Variants in UGT1A9 observed in about 807,000 individuals in gnomAD.
UGT1A9 encodes the protein UDP-glucuronosyltransferase 1A9.
A neutral mutation model predicts 45.0 loss-of-function variants in UGT1A9; 35 were observed. The observed-to-expected ratio is 0.78, with a 90% CI of 0.59 to 1.03. UGT1A9 has a LOEUF of 1.03. Among genes scored for constraint, UGT1A9 ranks in the 50% least tolerant of loss-of-function variants. The pLI is 0.00. For missense variants in UGT1A9, 687 were observed against 666.6 expected, an observed-to-expected ratio of 1.03 and a Z score of -0.34; for synonymous variants, 278 against 250.6, an observed-to-expected ratio of 1.11 and a Z score of -1.03.
chr2:233,723,213 C>CTT (rs201420005), intron 1 of UGT1A9, among the ~76,000 whole-genome samples: 4 of 88,884 alleles, frequency 4.5e-5, no homozygotes, highest in Non-Finnish European at 6.4e-5. Context: ...TCAAAACTGA[C>CTT]TTTTTTTTTT....
rs568773315 is a variant in UGT1A9 at position 233,683,108 on chromosome 2, C to T, written c.855+10319C>T. Among the ~76,000 whole-genome samples, 110 of 152,126 alleles carry T rather than the reference C, an allele frequency of 7.2e-4. 1 individual carries two copies. The highest frequency in any genetic ancestry group is 2.3e-3 in the African/African-American group (97 of 41,512). On this transcript the variant is annotated intron_variant, in intron 1 of 4. Coordinates refer to ENST00000354728, the MANE Select transcript of UGT1A9 (RefSeq NM_021027.3). ...CTTTTTTTGCTAATTCTACACTACC[C>T]CCAGAGGAAAATATTCTTAGCAGTT... is the stretch of plus-strand genomic sequence containing the variant.
rs563709972 is a variant in UGT1A9, at chr2:233,755,474, T to C, written c.856-11560T>C. On this transcript the variant is annotated intron_variant, in intron 1 of 4. Coordinates refer to ENST00000354728, the MANE Select transcript of UGT1A9 (RefSeq NM_021027.3). ...GGACTGGCCCTGCTCTCTGTGAGGCTCTGTGAGGCCCTGTGATGCTCCAAG... is the reference window on the plus strand; with the variant it reads ...GGACTGGCCCTGCTCTCTGTGAGGCCCTGTGAGGCCCTGTGATGCTCCAAG... 5.5e-5 allele frequency: 13 copies of C among 237,114 alleles called. 1 individual carries two copies. The South Asian group carries it at 7.1e-4, about 13-fold the overall frequency. The allele number at this position is 237,114 out of a possible 1,614,324, so 14.7% of individuals were successfully genotyped here.
intron 1 of UGT1A9, among the ~76,000 whole-genome samples, chr2:233,715,259 C>G (rs2076441984): frequency 6.6e-6 from 1 of 152,152 alleles, no homozygotes; most frequent in African/African-American, 2.4e-5. Context: ...AAAAAATCCC[C>G]TTACATAACA....
chr2:233,730,694 C>T (rs1315714978), intron 1 of UGT1A9, among the ~76,000 whole-genome samples: 1 of 152,058 alleles, frequency 6.6e-6, no homozygotes, highest in Non-Finnish European at 1.5e-5. Context: ...TCAAATGATT[C>T]TTCTACTTGG....
At chr2:233,761,234 G>A in intron 1 of UGT1A9, 1 of 1,612,826 alleles carries the variant, frequency 6.2e-7, no homozygotes, top group Non-Finnish European at 8.5e-7. Flanking sequence ...CCAGATATAT[G>A]CTGAGCAAGC....
intron 1 of UGT1A9, among the ~76,000 whole-genome samples, chr2:233,766,739 C>T (rs1028534873): frequency 6.6e-6 from 1 of 152,120 alleles, no homozygotes; most frequent in East Asian, 1.9e-4. Context: ...TGTGTATGTA[C>T]AGGTGTGTGC....
intron 1 of UGT1A9, among the ~76,000 whole-genome samples, chr2:233,706,871 C>A (rs186503307): frequency 1.3e-5 from 2 of 152,324 alleles, no homozygotes; most frequent in East Asian, 3.9e-4. Flanking sequence ...CTAGACCTGG[C>A]ACTTCCCAGC....
rs749552053 is a variant in UGT1A9 at position 233,760,309 on chromosome 2, G to A, written c.856-6725G>A. 18 of 1,613,646 alleles carry A rather than the reference G, an allele frequency of 1.1e-5. No individual in the cohort carries two copies. The highest frequency in any genetic ancestry group is 2.2e-5 in the East Asian group (1 of 44,886). On this transcript the variant is annotated intron_variant, in intron 1 of 4. Transcript: ENST00000354728. ...CGCCATGGCTGTGGAGTCCCAGGGCGGACGCCCACTTGTCCTGGGCCTGCT... is the reference window on the plus strand; with the variant it reads ...CGCCATGGCTGTGGAGTCCCAGGGCAGACGCCCACTTGTCCTGGGCCTGCT...
At chr2:233,758,929 A>C (rs1287701238) in intron 1 of UGT1A9, among the ~76,000 whole-genome samples, 2 of 152,152 alleles carry the variant, frequency 1.3e-5, no homozygotes, top group Non-Finnish European at 2.9e-5. Context: ...TTCCCTTTTG[A>C]CTTCAAATCA....
Position 233,718,785 on chromosome 2 carries a change from G to A in UGT1A9, c.855+45996G>A, listed in dbSNP as rs544842461. 94 of 1,613,086 alleles carry A rather than the reference G, an allele frequency of 5.8e-5. No homozygotes were observed. The East Asian group carries it at 1.3e-3, about 23-fold the overall frequency. On this transcript the variant is annotated intron_variant, in intron 1 of 4. Transcript: ENST00000354728. ...GAAACAAATGTAGCAGGCACAGCGTGGGGTGGACAGTCAGCTGTCGGTGGC... is the reference window on the plus strand; with the variant it reads ...GAAACAAATGTAGCAGGCACAGCGTAGGGTGGACAGTCAGCTGTCGGTGGC...
At chr2:233,682,969 C>T (rs943509920) in intron 1 of UGT1A9, among the ~76,000 whole-genome samples, 1 of 152,054 alleles carries the variant, frequency 6.6e-6, no homozygotes, top group Admixed American at 6.6e-5. Context: ...TAAAGCAGCT[C>T]TTGTTGATAT....
chr2:233,754,801 A>T, intron 1 of UGT1A9: 1 of 1,269,324 alleles, frequency 7.9e-7, no homozygotes, highest in Non-Finnish European at 1.1e-6. Flanking sequence ...CCTGTATCAA[A>T]AGAAGAAAAA....
intron 1 of UGT1A9, chr2:233,719,064 G>A (rs745742855): frequency 1.1e-4 from 179 of 1,614,274 alleles, no homozygotes; most frequent in East Asian, 3.6e-4. Context: ...AGCCTATGCT[G>A]TTCCATGGAC....
At chr2:233,749,597 A>G (rs1694229445) in intron 1 of UGT1A9, among the ~76,000 whole-genome samples, 1 of 151,834 alleles carries the variant, frequency 6.6e-6, no homozygotes, top group South Asian at 2.1e-4. Flanking sequence ...ACATGAAGTC[A>G]CACTAGATTT....
chr2:233,753,031 A>G (rs1329655669), intron 1 of UGT1A9, among the ~76,000 whole-genome samples: 1 of 152,134 alleles, frequency 6.6e-6, no homozygotes, highest in African/African-American at 2.4e-5. Context: ...AACACAAAAA[A>G]CTACCATGAA....
chr2:233,721,049 T>C (rs1041518517), intron 1 of UGT1A9, among the ~76,000 whole-genome samples: 1 of 152,122 alleles, frequency 6.6e-6, no homozygotes, highest in Non-Finnish European at 1.5e-5. Context: ...GAGCCCTTTT[T>C]TGTCATATTC....
In UGT1A9 at chr2:233,768,291, G is replaced by T; in HGVS notation, c.1147G>T (p.Val383Phe). The change falls in exon 4 of 5, where the codon GTT becomes TTT. Residue 383 changes from valine to phenylalanine, a missense_variant. Physicochemically the swap from Val to Phe is conservative, Grantham distance 50. Coordinates refer to ENST00000354728, the MANE Select transcript of UGT1A9 (RefSeq NM_021027.3). ...HGVYESICNG[V>F]PMVMMPLFGD... ...TGTTTATGAAAGCATATGCAATGGC[G>T]TTCCCATGGTGATGATGCCCTTGTT... is the stretch of plus-strand genomic sequence containing the variant. 1 of 1,614,148 alleles carries T rather than the reference G, an allele frequency of 6.2e-7. No homozygotes were observed. Among genetic ancestry groups the T allele is most frequent in the Non-Finnish European group, 8.5e-7 (1 of 1,180,032 alleles).
At chr2:233,719,157 A>G (rs757422133) in intron 1 of UGT1A9, 8 of 1,614,264 alleles carry the variant, frequency 5.0e-6, no homozygotes, top group Admixed American at 1.7e-5. Flanking sequence ...ATATTCTAGA[A>G]GTATGGCAAT....
At chr2:233,695,885 G>T (rs2075312141) in intron 1 of UGT1A9, among the ~76,000 whole-genome samples, 1 of 152,156 alleles carries the variant, frequency 6.6e-6, no homozygotes, top group South Asian at 2.1e-4. Context: ...GAAAACTTCA[G>T]TGAACAAATG....
Sources: gnomAD v4.1 joint callset for allele counts (sites outside exome capture counted in the v4.1 genomes callset) on GRCh38, gnomAD v4.1.1 for gene constraint, MANE v1.5 for transcripts, NCBI Gene and HGNC (gene_info 2026-07-23, HGNC 2026-07-21) for gene names.